Variants in MTHFD2L observed in about 807,000 individuals in gnomAD.
MTHFD2L encodes the protein methylenetetrahydrofolate dehydrogenase (NADP+ dependent) 2 like, also known as bifunctional methylenetetrahydrofolate dehydrogenase/cyclohydrolase 2, mitochondrial.
A neutral mutation model predicts 34.9 loss-of-function variants in MTHFD2L; 29 were observed. That is an observed-to-expected ratio of 0.83 (90% CI 0.62 to 1.13). MTHFD2L has a LOEUF of 1.13. MTHFD2L is among the 50% of genes most tolerant of loss of function. The pLI is 0.00. For synonymous variants in MTHFD2L, 167 were observed against 155.7 expected (o/e 1.07, Z -0.54); for missense variants, 481 against 446.5 (o/e 1.08, Z -0.70).
At position 74,301,702 on chromosome 4, in the gene MTHFD2L, A is replaced by G; in HGVS notation, c.937A>G (p.Lys313Glu). 1 of 1,572,132 alleles carries G rather than the reference A, an allele frequency of 6.4e-7. No individual in the cohort carries two copies. Among genetic ancestry groups the G allele is most frequent in the Non-Finnish European group, 8.6e-7 (1 of 1,163,152 alleles). Reference sequence around the variant, plus strand: ...TTGTTTTTTTTCCTCATCAGCTGTTAAAAAGAAAGCTGGCTTTATCACTCC... The same window carrying G: ...TTGTTTTTTTTCCTCATCAGCTGTTGAAAAGAAAGCTGGCTTTATCACTCC... ...LVGDVDFEAV[K>E]KKAGFITPVP... The change falls in exon 8 of 8, where the codon AAA (lysine) becomes GAA (glutamate). Residue 313 changes from lysine (K) to glutamate (E), a missense_variant. Physicochemically the swap from Lys to Glu is moderately conservative, Grantham distance 56. Transcript: ENST00000325278.
chr4:74,247,488 T>C (rs868410665), intron 6 of MTHFD2L, among the ~76,000 whole-genome samples: 1 of 152,136 alleles, frequency 6.6e-6, no homozygotes, highest in South Asian at 2.1e-4. Context: ...TCCTGCCTAA[T>C]TGCCCTGGCC....
chr4:74,135,705 T>TA (rs55678435), intron 1 of MTHFD2L, among the ~76,000 whole-genome samples: 2 of 151,342 alleles, frequency 1.3e-5, no homozygotes, highest in Non-Finnish European at 3.0e-5. Context: ...ATTTTTTTTT[T>TA]AAAGAAGCTA....
At chr4:74,173,258 T>C (rs777053521) in intron 1 of MTHFD2L, among the ~76,000 whole-genome samples, 21 of 152,166 alleles carry the variant, frequency 1.4e-4, no homozygotes, top group Non-Finnish European at 2.8e-4. Context: ...AAGTTTGAGG[T>C]CATGGAGAGC....
intron 1 of MTHFD2L, among the ~76,000 whole-genome samples, chr4:74,130,468 C>A (rs2109802387): frequency 6.6e-6 from 1 of 152,274 alleles, no homozygotes; most frequent in South Asian, 2.1e-4. Flanking sequence ...ATCACATAAA[C>A]AGAACCAATG....
At chr4:74,250,059 T>TA (rs1404390463) in intron 6 of MTHFD2L, among the ~76,000 whole-genome samples, 1 of 152,134 alleles carries the variant, frequency 6.6e-6, no homozygotes, top group Admixed American at 6.6e-5. Flanking sequence ...TCCTGGATAA[T>TA]ATCCTGCAGA....
intron 6 of MTHFD2L, among the ~76,000 whole-genome samples, chr4:74,262,954 A>C (rs962674492): frequency 6.6e-6 from 1 of 151,958 alleles, no homozygotes; most frequent in African/African-American, 2.4e-5. Context: ...GAAAGCAGCT[A>C]AAACATTCAC....
intron 3 of MTHFD2L, chr4:74,180,939 T>A (rs978098174): frequency 1.7e-5 from 3 of 179,632 alleles, no homozygotes; most frequent in Non-Finnish European, 3.7e-5. Flanking sequence ...TATTTTTTTT[T>A]AGCTTTTATT....
intron 5 of MTHFD2L, among the ~76,000 whole-genome samples, chr4:74,224,531 G>A (rs1246595): frequency 0.94 from 143,203 of 152,196 alleles, 67,705 homozygotes; most frequent in Non-Finnish European, 0.99. Context: ...AGTCTTAGCC[G>A]TATTCTTACC....
chr4:74,159,497 G>C (rs141650545), intron 1 of MTHFD2L, among the ~76,000 whole-genome samples: 258 of 152,312 alleles, frequency 1.7e-3, no homozygotes, highest in African/African-American at 5.9e-3. Context: ...GTGCTTTTCA[G>C]GGTGAGGATA....
At chr4:74,235,200 T>A (rs1026843452) in intron 6 of MTHFD2L, among the ~76,000 whole-genome samples, 8 of 152,156 alleles carry the variant, frequency 5.3e-5, no homozygotes, top group African/African-American at 1.7e-4. Flanking sequence ...AATAACATCA[T>A]ATTTGAATTT....
intron 1 of MTHFD2L, among the ~76,000 whole-genome samples, chr4:74,131,444 A>T (rs1350081780): frequency 6.6e-6 from 1 of 152,192 alleles, no homozygotes; most frequent in Non-Finnish European, 1.5e-5. Context: ...ATCTACAACC[A>T]TCTGATCTTT....
At chr4:74,182,167 T>C (rs1197573078) in intron 3 of MTHFD2L, among the ~76,000 whole-genome samples, 1 of 152,212 alleles carries the variant, frequency 6.6e-6, no homozygotes, top group Non-Finnish European at 1.5e-5. Context: ...TGTTTGAGTG[T>C]ATAGAATAAT....
intron 6 of MTHFD2L, among the ~76,000 whole-genome samples, chr4:74,253,524 C>T (rs1226069174): frequency 6.6e-6 from 1 of 152,202 alleles, no homozygotes; most frequent in Non-Finnish European, 1.5e-5. Context: ...TTCCTCAAGC[C>T]TCCTGCTCTA....
chr4:74,175,891 A>G (rs1315638879), intron 3 of MTHFD2L, among the ~76,000 whole-genome samples: 2 of 152,102 alleles, frequency 1.3e-5, no homozygotes, highest in Non-Finnish European at 2.9e-5. Context: ...AAGCTCGTCA[A>G]AAGTAGTTGG....
At chr4:74,212,900 A>T (rs138256443) in intron 5 of MTHFD2L, among the ~76,000 whole-genome samples, 4,825 of 152,282 alleles carry the variant, frequency 0.032, 101 homozygotes, top group East Asian at 0.1. Flanking sequence ...ATATATATTT[A>T]GGATAGTTAG....
At chr4:74,185,547 C>G (rs1731061706) in intron 3 of MTHFD2L, among the ~76,000 whole-genome samples, 1 of 151,992 alleles carries the variant, frequency 6.6e-6, no homozygotes, top group Non-Finnish European at 1.5e-5. Flanking sequence ...CTAGACATAT[C>G]AAGGAAAAGA....
chr4:74,279,145 G>T (rs901502089), intron 6 of MTHFD2L, among the ~76,000 whole-genome samples: 21 of 151,914 alleles, frequency 1.4e-4, no homozygotes, highest in Non-Finnish European at 2.5e-4. Flanking sequence ...AACACTGCAG[G>T]AATGAATACA....
intron 3 of MTHFD2L, among the ~76,000 whole-genome samples, chr4:74,189,485 C>CTTTTTTTTT (rs55665552): frequency 2.5e-5 from 3 of 119,788 alleles, no homozygotes; most frequent in African/African-American, 1.2e-4. Context: ...GTTTTTCTTC[C>CTTTTTTTTT]TTTTTTTTTT....
At chr4:74,206,201 G>A (rs1315340068) in intron 5 of MTHFD2L, among the ~76,000 whole-genome samples, 3 of 152,048 alleles carry the variant, frequency 2.0e-5, no homozygotes, top group East Asian at 3.9e-4. Context: ...GGGGCAGGGT[G>A]GTGGTGGAAG....
Sources: gnomAD v4.1 joint callset for allele counts (sites outside exome capture counted in the v4.1 genomes callset) on GRCh38, gnomAD v4.1.1 for gene constraint, MANE v1.5 for transcripts, NCBI Gene and HGNC (gene_info 2026-07-23, HGNC 2026-07-21) for gene names.